The following HS3ST4 variants were observed in gnomAD, a reference collection of about 807,000 sequenced individuals.
HS3ST4 encodes the protein heparan sulfate glucosamine 3-O-sulfotransferase 4.
Under a neutral mutation model 29.2 loss-of-function variants are expected in HS3ST4, and 17 were observed. That is an observed-to-expected ratio of 0.58 (90% confidence interval 0.40 to 0.87). The LOEUF is 0.87. Ranked by LOEUF, HS3ST4 falls within the 40% of genes least tolerant of loss-of-function variation. The pLI, the probability that HS3ST4 is intolerant of heterozygous loss-of-function variation, is 0.00. For missense variants in HS3ST4, 627 were observed against 634.5 expected (o/e 0.99, Z 0.13); for synonymous variants, 314 against 285.7 (o/e 1.10, Z -1.00).
intron 1 of HS3ST4, among the ~76,000 whole-genome samples, chr16:25,845,082 A>G (rs1169415814): frequency 6.6e-6 from 1 of 152,188 alleles, no homozygotes; most frequent in Non-Finnish European, 1.5e-5. Context: ...ATTAGTAAAA[A>G]TAGCTAATGG....
intron 1 of HS3ST4, among the ~76,000 whole-genome samples, chr16:26,094,951 C>A (rs1301102970): frequency 1.1e-5 from 1 of 94,916 alleles, no homozygotes; most frequent in African/African-American, 7.2e-5. Flanking sequence ...CAAAAAAAAG[C>A]AGGGGTTGCA....
intron 1 of HS3ST4, among the ~76,000 whole-genome samples, chr16:25,885,927 G>A (rs375804513): frequency 5.9e-5 from 9 of 151,690 alleles, no homozygotes; most frequent in Admixed American, 2.0e-4. Flanking sequence ...GGAAAAGTTA[G>A]GTGCTAAAGA....
chr16:26,115,286 C>T (rs572307033), intron 1 of HS3ST4, among the ~76,000 whole-genome samples: 1 of 137,496 alleles, frequency 7.3e-6, no homozygotes, highest in Non-Finnish European at 1.7e-5. Context: ...CACACACACA[C>T]AAGTATAAAC....
chr16:26,009,616 C>G (rs926244716), intron 1 of HS3ST4, among the ~76,000 whole-genome samples: 2 of 152,182 alleles, frequency 1.3e-5, no homozygotes, highest in Non-Finnish European at 2.9e-5. Context: ...TGGATGCAAG[C>G]ACTGCCATGT....
At chr16:26,001,248 GC>G (rs1969209457) in intron 1 of HS3ST4, among the ~76,000 whole-genome samples, 2 of 152,174 alleles carry the variant, frequency 1.3e-5, no homozygotes, top group African/African-American at 4.8e-5. Context: ...CTCATTCTTA[GC>G]AATACCTACA....
At chr16:26,004,773 C>G (rs769619271) in intron 1 of HS3ST4, among the ~76,000 whole-genome samples, 9 of 152,162 alleles carry the variant, frequency 5.9e-5, no homozygotes, top group Non-Finnish European at 2.9e-5. Context: ...TATGATGTGG[C>G]ACATCATGAT....
At chr16:26,001,403 T>C (rs2141733846) in intron 1 of HS3ST4, among the ~76,000 whole-genome samples, 1 of 152,248 alleles carries the variant, frequency 6.6e-6, no homozygotes, top group Admixed American at 6.5e-5. Context: ...AATAGGTAAA[T>C]CTAGATAAAA....
At chr16:25,865,416 G>A (rs1967684093) in intron 1 of HS3ST4, among the ~76,000 whole-genome samples, 1 of 152,144 alleles carries the variant, frequency 6.6e-6, no homozygotes, top group African/African-American at 2.4e-5. Context: ...GATTAGTGAT[G>A]TTGAACACTT....
intron 1 of HS3ST4, among the ~76,000 whole-genome samples, chr16:25,999,099 T>C (rs1344535398): frequency 6.6e-6 from 1 of 152,216 alleles, no homozygotes; most frequent in African/African-American, 2.4e-5. Context: ...TTTTACTAGC[T>C]AATTCATTTC....
chr16:25,918,067 A>AT (rs1474447525), intron 1 of HS3ST4, among the ~76,000 whole-genome samples: 1 of 152,156 alleles, frequency 6.6e-6, no homozygotes, highest in Non-Finnish European at 1.5e-5. Context: ...CAACATCAAC[A>AT]TTTGTTTTAC....
At chr16:26,075,764 G>T (rs1242141293) in intron 1 of HS3ST4, among the ~76,000 whole-genome samples, 1 of 152,088 alleles carries the variant, frequency 6.6e-6, no homozygotes, top group Non-Finnish European at 1.5e-5. Context: ...ATTCTCAAAC[G>T]CCTCAATTAT....
intron 1 of HS3ST4, among the ~76,000 whole-genome samples, chr16:26,066,237 C>T (rs1220069814): frequency 6.6e-6 from 1 of 152,106 alleles, no homozygotes; most frequent in Non-Finnish European, 1.5e-5. Flanking sequence ...ACAAACAGTA[C>T]AAGGGGTATG....
intron 1 of HS3ST4, among the ~76,000 whole-genome samples, chr16:26,038,391 A>C (rs1381337464): frequency 1.3e-5 from 2 of 152,094 alleles, no homozygotes; most frequent in African/African-American, 2.4e-5. Context: ...TATACTGCCT[A>C]TCTAGACAGA....
intron 1 of HS3ST4, among the ~76,000 whole-genome samples, chr16:25,979,260 A>G (rs1045801657): frequency 6.6e-6 from 1 of 151,938 alleles, no homozygotes; most frequent in South Asian, 2.1e-4. Context: ...CTCTTCTTGG[A>G]TATTCTATAA....
At chr16:25,789,211 G>C (rs1023052055) in intron 1 of HS3ST4, among the ~76,000 whole-genome samples, 10 of 151,984 alleles carry the variant, frequency 6.6e-5, no homozygotes, top group Non-Finnish European at 1.2e-4. Context: ...TTTACTGATA[G>C]AAGGTTCCAG....
chr16:26,061,146 G>A (rs894620242), intron 1 of HS3ST4, among the ~76,000 whole-genome samples: 11 of 152,192 alleles, frequency 7.2e-5, no homozygotes, highest in African/African-American at 2.2e-4. Context: ...AGCATTTGAT[G>A]TAGAAACTTG....
intron 1 of HS3ST4, among the ~76,000 whole-genome samples, chr16:25,998,651 A>T (rs1969177705): frequency 6.6e-6 from 1 of 152,136 alleles, no homozygotes; most frequent in South Asian, 2.1e-4. Context: ...CTGTGTATTC[A>T]TACTTCTAAG....
At chr16:26,051,883 TCC>T (rs1567302180) in intron 1 of HS3ST4, among the ~76,000 whole-genome samples, 1,435 of 70,506 alleles carry the variant, frequency 0.02, 33 homozygotes, top group African/African-American at 0.1. Context: ...CCTCCCTGCC[TCC>T]CTCCCTCCCT....
chr16:25,815,543 C>T (rs1967085113), intron 1 of HS3ST4, among the ~76,000 whole-genome samples: 3 of 152,132 alleles, frequency 2.0e-5, no homozygotes, highest in African/African-American at 7.2e-5. Flanking sequence ...AGGCTAGTCT[C>T]GAACTCCTGA....
Sources: allele counts gnomAD v4.1 joint callset (sites outside exome capture counted in the v4.1 genomes callset), GRCh38; gene constraint gnomAD v4.1.1; transcripts MANE v1.5; gene names NCBI Gene and HGNC (gene_info 2026-07-23, HGNC 2026-07-21).